Variants in CDH4 observed in about 807,000 individuals in gnomAD.
CDH4 encodes cadherin-4.
A neutral mutation model predicts 86.0 loss-of-function variants in CDH4; 33 were observed. That is an observed-to-expected ratio of 0.38 (90% CI 0.29 to 0.51). The LOEUF (loss-of-function observed/expected upper bound fraction) is 0.51, where lower values mean the gene tolerates loss of function less well. Among genes scored for constraint, CDH4 ranks in the 20% least tolerant of loss-of-function variants. The probability of loss-of-function intolerance (pLI) is 0.86; values close to 1 mark genes in which losing one functional copy is unlikely to be tolerated. For missense variants in CDH4, 1,114 were observed against 1,307.4 expected, an observed-to-expected ratio of 0.85 and a Z score of 2.28; for synonymous variants, 555 against 549.4, an observed-to-expected ratio of 1.01 and a Z score of -0.14.
At chr20:61,827,378 G>A (rs529083551) in intron 4 of CDH4, among the ~76,000 whole-genome samples, 4 of 152,298 alleles carry the variant, frequency 2.6e-5, no homozygotes, top group African/African-American at 9.6e-5. Flanking sequence ...TAACCATGTT[G>A]TTTGGGATTT....
intron 2 of CDH4, among the ~76,000 whole-genome samples, chr20:61,360,899 G>T (rs528671330): frequency 1.3e-5 from 2 of 152,280 alleles, no homozygotes; most frequent in East Asian, 3.9e-4. Flanking sequence ...AGACGGACTG[G>T]TTATTCCCAT....
rs2145851961 is a variant in CDH4, at chr20:61,676,559, G to C, written c.170-67004G>C. ...GTCTGCAGGGATGGGTCTGCTTGGA[G>C]ACCCCGGGTCAGGCTGTGACAGTGC... On this transcript the variant is annotated intron_variant, in intron 2 of 15. Coordinates refer to ENST00000614565, the MANE Select transcript of CDH4 (RefSeq NM_001794.5). This position sits in a 1 kb window ranked among gnomAD's most constrained non-coding sequence, Gnocchi z 4.5. Among the ~76,000 whole-genome samples the C allele has an allele frequency of 6.6e-6, 1 of 152,232 alleles. No homozygotes were observed. Among genetic ancestry groups the C allele is most frequent in the South Asian group, 2.1e-4 (1 of 4,814 alleles).
At chr20:61,414,537 C>G (rs960182965) in intron 2 of CDH4, among the ~76,000 whole-genome samples, 8 of 152,208 alleles carry the variant, frequency 5.3e-5, no homozygotes, top group Non-Finnish European at 1.2e-4. Flanking sequence ...AAAGCTGACT[C>G]CTGGCATTAT....
chr20:61,345,262 C>T (rs531053221), intron 2 of CDH4, among the ~76,000 whole-genome samples: 12 of 152,156 alleles, frequency 7.9e-5, no homozygotes, highest in Non-Finnish European at 1.3e-4. Context: ...CCAGGGAAAT[C>T]GAGAGTGACA....
intron 2 of CDH4, among the ~76,000 whole-genome samples, chr20:61,459,903 A>T (rs923129369): frequency 1.3e-5 from 2 of 151,846 alleles, no homozygotes; most frequent in Non-Finnish European, 2.9e-5. Flanking sequence ...GACCCACAGA[A>T]GGTCACACCA....
At chr20:61,895,307 T>C (rs1341438560) in intron 8 of CDH4, among the ~76,000 whole-genome samples, 2 of 152,192 alleles carry the variant, frequency 1.3e-5, no homozygotes, top group East Asian at 3.9e-4. Context: ...ATCTCTGTGA[T>C]GTCTGGAGGA....
At chr20:61,665,030 ATC>A (rs2087307144) in intron 2 of CDH4, among the ~76,000 whole-genome samples, 1 of 152,212 alleles carries the variant, frequency 6.6e-6, no homozygotes, top group Non-Finnish European at 1.5e-5. Context: ...GTAAATGAAA[ATC>A]TCTAGCTGCC....
chr20:61,766,809 C>T (rs1363133956), intron 3 of CDH4, among the ~76,000 whole-genome samples: 1 of 152,204 alleles, frequency 6.6e-6, no homozygotes, highest in African/African-American at 2.4e-5. Flanking sequence ...CTGGCAAAGT[C>T]CTATTCACCC....
At chr20:61,852,971 G>T in intron 6 of CDH4, 73 bp downstream of exon 6, 1 of 1,506,224 alleles carries the variant, frequency 6.6e-7, no homozygotes, top group South Asian at 1.2e-5. Flanking sequence ...TGAGGGCAGG[G>T]GAGGGCTGCT....
At chr20:61,672,498 T>G (rs1188462476) in intron 2 of CDH4, among the ~76,000 whole-genome samples, 1 of 152,166 alleles carries the variant, frequency 6.6e-6, no homozygotes, top group Admixed American at 6.5e-5. Context: ...GTAGGCCCTG[T>G]CCGTGAAGTG....
chr20:61,651,102 CAGTG>C (rs770039152), intron 2 of CDH4, among the ~76,000 whole-genome samples: 18 of 145,762 alleles, frequency 1.2e-4, no homozygotes, highest in Non-Finnish European at 2.3e-4. Flanking sequence ...GTGCTCGTGT[CAGTG>C]AGTTAGCACC....
intron 4 of CDH4, among the ~76,000 whole-genome samples, chr20:61,839,514 TTG>T (rs1469683438): frequency 7.8e-6 from 1 of 127,450 alleles, no homozygotes; most frequent in African/African-American, 2.5e-5. Context: ...TTAGTGTGTG[TTG>T]TGTGTATGTG....
rs2084649856 is a variant in CDH4, at chr20:61,341,655, A to G, written c.169+86718A>G. 2.6e-5 allele frequency among the ~76,000 whole-genome samples: 4 copies of G among 152,130 alleles called. No homozygotes were observed. The South Asian group carries it at 8.3e-4, about 31-fold the overall frequency. On this transcript the variant is annotated intron_variant, in intron 2 of 15. Transcript: ENST00000614565. The stretch of plus-strand genomic sequence containing the variant: ...TCCAAAGCAGAAGCTCCTTCTTCTC[A>G]GATGATAAACACCTTTGTTGATTAA...
intron 3 of CDH4, among the ~76,000 whole-genome samples, chr20:61,761,936 C>G (rs1404195953): frequency 6.6e-6 from 1 of 151,888 alleles, no homozygotes; most frequent in Admixed American, 6.5e-5. Context: ...CAGCAGGCAG[C>G]GCCGCACGGC....
chr20:61,350,658 A>G (rs949072187), intron 2 of CDH4, among the ~76,000 whole-genome samples: 2 of 125,434 alleles, frequency 1.6e-5, no homozygotes, highest in African/African-American at 6.1e-5. Context: ...TCCCAGTGCC[A>G]TGATGCCAGC....
At chr20:61,592,669 A>G (rs1384662570) in intron 2 of CDH4, among the ~76,000 whole-genome samples, 2 of 151,980 alleles carry the variant, frequency 1.3e-5, no homozygotes, top group Admixed American at 1.3e-4. Context: ...AACAACCAGT[A>G]TACTTTCTGT....
intron 2 of CDH4, among the ~76,000 whole-genome samples, chr20:61,565,095 G>GTGGTGCTCTTGGTGGTGC (rs1281537676): frequency 0.03 from 3,876 of 127,598 alleles, 198 homozygotes; most frequent in African/African-American, 0.069. Flanking sequence ...GGTGCTCTTG[G>GTGGTGCTCTTGGTGGTGC]TGGTGCTCTT....
At chr20:61,773,254 A>G in intron 4 of CDH4, 72 bp downstream of exon 4, 1 of 1,401,098 alleles carries the variant, frequency 7.1e-7, no homozygotes, top group Non-Finnish European at 9.5e-7. Context: ...GACATCCCAA[A>G]GCCAGGGGCG....
At chr20:61,514,407 A>T (rs1357486292) in intron 2 of CDH4, among the ~76,000 whole-genome samples, 2 of 136,442 alleles carry the variant, frequency 1.5e-5, no homozygotes, top group Non-Finnish European at 3.0e-5. Flanking sequence ...CAGTTCAGGG[A>T]TGTAGATCAA....
Sources: gnomAD v4.1 joint callset for allele counts (sites outside exome capture counted in the v4.1 genomes callset) on GRCh38, gnomAD v4.1.1 for gene constraint, Gnocchi (gnomAD v3.1) non-coding constraint, MANE v1.5 for transcripts, NCBI Gene and HGNC (gene_info 2026-07-23, HGNC 2026-07-21) for gene names.